The following MTM1 variants were observed in gnomAD, a reference collection of about 807,000 sequenced individuals.
MTM1 encodes the protein myotubularin 1.
A neutral mutation model predicts 52.1 loss-of-function variants in MTM1; 9 were observed. That is an observed-to-expected ratio of 0.17 (90% CI 0.10 to 0.30). The LOEUF is 0.30. MTM1 is among the 10% of genes least tolerant of loss of function. The probability of loss-of-function intolerance (pLI) is 1.00; values close to 1 mark genes in which losing one functional copy is unlikely to be tolerated. For missense variants in MTM1, 277 were observed against 470.7 expected, an observed-to-expected ratio of 0.59 and a Z score of 3.81; for synonymous variants, 136 against 163.8, an observed-to-expected ratio of 0.83 and a Z score of 1.29.
chrX:150,596,383 ATC>A (rs1557412601), intron 2 of MTM1, 113 bp from the exon 3 acceptor site: 1 of 601,782 alleles, frequency 1.7e-6, no homozygotes, highest in African/African-American at 2.2e-5. Flanking sequence ...CAAATGCTAA[ATC>A]TCTAATGCTT....
chrX:150,587,128 C>T (rs1301938115), intron 1 of MTM1, among the ~76,000 whole-genome samples: 1 of 110,241 alleles, frequency 9.1e-6, no homozygotes, highest in Non-Finnish European at 1.9e-5. Context: ...ATACAGAATC[C>T]CTTCCTTTTT....
intron 6 of MTM1, among the ~76,000 whole-genome samples, chrX:150,621,936 G>A (rs2039487851): frequency 9.0e-6 from 1 of 111,634 alleles, no homozygotes; most frequent in Non-Finnish European, 1.9e-5. Context: ...CATCTGCATG[G>A]GAGTTTTGTA....
chrX:150,646,027 T>A (rs962033299), intron 9 of MTM1, among the ~76,000 whole-genome samples, 156 bp downstream of exon 9: 1 of 112,328 alleles, frequency 8.9e-6, no homozygotes, highest in Non-Finnish European at 1.9e-5. Flanking sequence ...ATCACAAAAC[T>A]TAAACAAAAT....
At chrX:150,579,663 A>AT (rs1159137929) in intron 1 of MTM1, among the ~76,000 whole-genome samples, 26 of 102,438 alleles carry the variant, frequency 2.5e-4, no homozygotes, top group South Asian at 4.4e-4. Flanking sequence ...TGCCCAGCTA[A>AT]TTTTTTTTTT....
At chrX:150,653,444 T>G (rs782622605) in intron 10 of MTM1, among the ~76,000 whole-genome samples, 27 of 112,198 alleles carry the variant, frequency 2.4e-4, no homozygotes, top group Non-Finnish European at 4.5e-4. Context: ...ATCTGTCTTC[T>G]CAAAATCACT....
At chrX:150,562,689 TC>T in the MTM1 span, among the ~76,000 whole-genome samples, 1 of 112,002 alleles carries the variant, frequency 8.9e-6, no homozygotes, top group South Asian at 3.7e-4. Flanking sequence ...GTATGTGTTT[TC>T]ATGTCCCATT....
chrX:150,619,920 A>G (rs782233689), intron 6 of MTM1, among the ~76,000 whole-genome samples: 5 of 111,878 alleles, frequency 4.5e-5, no homozygotes, highest in South Asian at 3.7e-4. Flanking sequence ...GATGGAAGGG[A>G]CCCTTAAGTA....
chrX:150,632,522 T>C (rs1188608184), intron 6 of MTM1, among the ~76,000 whole-genome samples: 2 of 111,482 alleles, frequency 1.8e-5, no homozygotes, highest in Admixed American at 9.5e-5. Context: ...ATGATTAAAT[T>C]TCCATTTCAA....
rs1603089320 is a variant in MTM1 at position 150,575,044 on chromosome X, G to C, written c.-11+6382G>C. Among the ~76,000 whole-genome samples, 3 of 112,511 alleles carry C rather than the reference G, an allele frequency of 2.7e-5. No individual in the cohort carries two copies. In the Middle Eastern group the frequency reaches 0.014, roughly 516 times the overall value. Reference sequence around the variant, plus strand: ...TTTGCAGCCTCCGCTGCAACTTCCTGCAGCTCTCATGACTACAGGGTTTTT... The same window carrying C: ...TTTGCAGCCTCCGCTGCAACTTCCTCCAGCTCTCATGACTACAGGGTTTTT... On this transcript the variant is annotated intron_variant, in intron 1 of 14. Coordinates refer to ENST00000370396, the MANE Select transcript of MTM1 (RefSeq NM_000252.3).
chrX:150,660,752 C>T (rs1184550804), intron 13 of MTM1, among the ~76,000 whole-genome samples: 1 of 111,558 alleles, frequency 9.0e-6, no homozygotes, highest in African/African-American at 3.3e-5. Flanking sequence ...GTGAGAGCCT[C>T]AGGCTGCTTC....
intron 1 of MTM1, among the ~76,000 whole-genome samples, chrX:150,587,972 A>C (rs1218250706): frequency 8.9e-6 from 1 of 111,764 alleles, no homozygotes; most frequent in African/African-American, 3.3e-5. Flanking sequence ...TTTTCATTTC[A>C]GCCTAGCAAA....
At chrX:150,636,324 T>C (rs908995163) in intron 6 of MTM1, among the ~76,000 whole-genome samples, 1 of 112,097 alleles carries the variant, frequency 8.9e-6, no homozygotes, top group African/African-American at 3.2e-5. Context: ...AATTTTTGTT[T>C]AGGCCATATA....
chrX:150,580,244 A>G (rs1415333861), intron 1 of MTM1, among the ~76,000 whole-genome samples: 4 of 112,122 alleles, frequency 3.6e-5, no homozygotes, highest in Non-Finnish European at 7.5e-5. Flanking sequence ...CTTCAGGAAG[A>G]TAGCACACCT....
chrX:150,650,577 G>A lies in MTM1; in HGVS notation c.1053+676G>A, dbSNP rs781925024. On this transcript the variant is annotated intron_variant, in intron 10 of 14. Transcript: ENST00000370396. ...AGCTAGCGAGGCTCACCCTCTTGGTGTCATCCTACATTTCTTTAGCTCCTG... is the reference window on the plus strand; with the variant it reads ...AGCTAGCGAGGCTCACCCTCTTGGTATCATCCTACATTTCTTTAGCTCCTG... Among the ~76,000 whole-genome samples the A allele has an allele frequency of 2.4e-4, 27 of 111,174 alleles. No homozygotes were observed. The Middle Eastern group carries it at 0.014, about 57-fold the overall frequency.
At chrX:150,625,418 T>TG (rs1361835692) in intron 6 of MTM1, among the ~76,000 whole-genome samples, 6 of 111,531 alleles carry the variant, frequency 5.4e-5, no homozygotes, top group Non-Finnish European at 7.5e-5. Flanking sequence ...TGATAACATG[T>TG]GGGGCACTTT....
At chrX:150,609,991 C>T (rs1388743221) in intron 4 of MTM1, among the ~76,000 whole-genome samples, 1 of 111,745 alleles carries the variant, frequency 8.9e-6, no homozygotes, top group African/African-American at 3.3e-5. Flanking sequence ...CCAGGAAATT[C>T]CCATCACCGT....
intron 6 of MTM1, among the ~76,000 whole-genome samples, chrX:150,631,210 C>T: frequency 8.9e-6 from 1 of 112,548 alleles, no homozygotes; most frequent in Non-Finnish European, 1.9e-5. Flanking sequence ...CTGCTGAAAT[C>T]CAGATTACCA....
At chrX:150,643,223 C>A (rs2039877282) in intron 8 of MTM1, among the ~76,000 whole-genome samples, 1 of 110,697 alleles carries the variant, frequency 9.0e-6, no homozygotes, top group Non-Finnish European at 1.9e-5. Context: ...TGTAAAAATA[C>A]AAAAGGAAGT....
At chrX:150,669,815 T>G (rs2040367412) in intron 14 of MTM1, among the ~76,000 whole-genome samples, 1 of 112,426 alleles carries the variant, frequency 8.9e-6, no homozygotes, top group South Asian at 3.6e-4. Context: ...TCTCTTATTC[T>G]ATAGATTGCC....
Sources: gnomAD v4.1 joint callset for allele counts (sites outside exome capture counted in the v4.1 genomes callset) on GRCh38, gnomAD v4.1.1 for gene constraint, MANE v1.5 for transcripts, NCBI Gene and HGNC (gene_info 2026-07-23, HGNC 2026-07-21) for gene names.